The following P3H2 variants were observed in gnomAD, a reference collection of about 807,000 sequenced individuals.
The protein encoded by P3H2 is leprecan-like 1.
Under a neutral mutation model 87.0 loss-of-function variants are expected in P3H2, and 80 were observed. That is an observed-to-expected ratio of 0.92 (90% CI 0.77 to 1.11). The LOEUF is 1.11. Ranked by LOEUF, P3H2 falls within the 50% of genes least tolerant of loss-of-function variation. The pLI is 0.00. For synonymous variants in P3H2, 367 were observed against 359.3 expected (o/e 1.02, Z -0.24); for missense variants, 1,001 against 923.9 (o/e 1.08, Z -1.08).
intron 1 of P3H2, among the ~76,000 whole-genome samples, chr3:190,034,505 A>G (rs908949420): frequency 6.6e-6 from 1 of 152,260 alleles, no homozygotes; most frequent in African/African-American, 2.4e-5. Flanking sequence ...TTGGTCACCC[A>G]TAAAACAGAA....
At chr3:190,010,286 A>G (rs1724545317) in intron 1 of P3H2, among the ~76,000 whole-genome samples, 1 of 152,182 alleles carries the variant, frequency 6.6e-6, no homozygotes, top group South Asian at 2.1e-4. Flanking sequence ...CTATTATTAA[A>G]CATGTAATAC....
chr3:190,039,186 T>A (rs1344952118), intron 1 of P3H2, among the ~76,000 whole-genome samples: 1 of 58,300 alleles, frequency 1.7e-5, no homozygotes, highest in Non-Finnish European at 3.4e-5. Flanking sequence ...CGAAACTCCA[T>A]CTCAAAAAAA....
intron 1 of P3H2, among the ~76,000 whole-genome samples, chr3:190,086,434 C>CT (rs758831329): frequency 2.0e-5 from 3 of 152,326 alleles, no homozygotes; most frequent in Admixed American, 6.5e-5. Context: ...CCCAGCTCAT[C>CT]TCTCTAATTC....
At chr3:190,024,334 C>T (rs1244562934) in intron 1 of P3H2, among the ~76,000 whole-genome samples, 1 of 151,708 alleles carries the variant, frequency 6.6e-6, no homozygotes, top group Non-Finnish European at 1.5e-5. Context: ...GTCAGGAGTT[C>T]GAGACCAGCG....
chr3:190,004,076 CTA>C (rs1724302578), intron 1 of P3H2, among the ~76,000 whole-genome samples: 1 of 152,146 alleles, frequency 6.6e-6, no homozygotes, highest in Admixed American at 6.5e-5. Context: ...CAATGTTTCT[CTA>C]TGTGAGTACA....
chr3:189,991,632 A>G (rs549440516), intron 3 of P3H2, among the ~76,000 whole-genome samples: 2 of 152,366 alleles, frequency 1.3e-5, no homozygotes, highest in African/African-American at 4.8e-5. Context: ...GAAGAAAACA[A>G]CACTTTGAAG....
chr3:190,035,668 G>C (rs1041282813), intron 1 of P3H2, among the ~76,000 whole-genome samples: 6 of 151,994 alleles, frequency 3.9e-5, no homozygotes, highest in African/African-American at 1.4e-4. Flanking sequence ...CATGTCCTTT[G>C]CCTTAATTTA....
At position 189,974,639 on chromosome 3, in the gene P3H2, C is replaced by T. The variant is rs777587498; in HGVS notation, c.1371G>A (p.Glu457=). Residue 457 remains glutamate (E), a synonymous_variant, in exon 9 of 15, where the codon GAG becomes GAA. Coordinates refer to ENST00000319332, the MANE Select transcript of P3H2 (RefSeq NM_018192.4). ...YENITFVYNS[E]QLNGTQRVLL... is the part of the protein sequence containing the mutation. The stretch of plus-strand genomic sequence containing the variant: ...GAACCCGCTGAGTCCCGTTCAGCTG[C>T]TCCGAGTTGTAGACGAATGTGATGT... 1.2e-6 allele frequency: 2 copies of T among 1,614,162 alleles called. No individual in the cohort carries two copies. The highest frequency in any genetic ancestry group is 3.3e-5 in the Admixed American group (2 of 60,022).
intron 1 of P3H2, among the ~76,000 whole-genome samples, chr3:189,998,818 T>C (rs1724125720): frequency 6.6e-6 from 1 of 152,184 alleles, no homozygotes; most frequent in African/African-American, 2.4e-5. Flanking sequence ...AATTTTTCCA[T>C]GGATGGGTTG....
At chr3:190,010,648 T>C (rs1476311217) in intron 1 of P3H2, among the ~76,000 whole-genome samples, 3 of 152,186 alleles carry the variant, frequency 2.0e-5, no homozygotes, top group Admixed American at 6.5e-5. Flanking sequence ...TCCTTGACTT[T>C]GGGCTTCTGG....
At chr3:189,982,291 T>TA (rs202160923) in intron 8 of P3H2, among the ~76,000 whole-genome samples, 2,564 of 152,300 alleles carry the variant, frequency 0.017, 68 homozygotes, top group African/African-American at 0.058. Context: ...AGTATGCAAA[T>TA]AAATTGTGTG....
intron 1 of P3H2, among the ~76,000 whole-genome samples, chr3:190,055,844 C>T (rs182758678): frequency 6.6e-6 from 1 of 152,244 alleles, no homozygotes; most frequent in East Asian, 1.9e-4. Context: ...TAAAAAGAGC[C>T]TCTTTTTCCT....
intron 6 of P3H2, among the ~76,000 whole-genome samples, chr3:189,986,430 C>CA (rs529618300): frequency 6.2e-4 from 93 of 150,852 alleles, no homozygotes; most frequent in Non-Finnish European, 9.6e-4. Context: ...ACTAAAAATA[C>CA]AAAAAAAAAT....
chr3:190,100,685 A>G (rs1057195949), intron 1 of P3H2, among the ~76,000 whole-genome samples: 7 of 152,264 alleles, frequency 4.6e-5, no homozygotes, highest in Middle Eastern at 3.4e-3. Flanking sequence ...TGTTCCACCC[A>G]ATTTCATGCT....
chr3:189,989,487 C>A (rs1374520923), intron 3 of P3H2, among the ~76,000 whole-genome samples: 1 of 152,254 alleles, frequency 6.6e-6, no homozygotes, highest in Admixed American at 6.5e-5. Flanking sequence ...AAAAAGAAAC[C>A]ACCATGGGCA....
intron 1 of P3H2, among the ~76,000 whole-genome samples, chr3:190,069,962 TTTC>T (rs113690929): frequency 2.0e-5 from 3 of 151,516 alleles, no homozygotes; most frequent in African/African-American, 4.9e-5. Context: ...TTTTTTTTTT[TTTC>T]TTCTTCTTCT....
rs112768321 is a variant in P3H2 at position 190,062,877 on chromosome 3, GT to G, written c.480+57374del. Among the ~76,000 whole-genome samples, 1,031 of 152,222 alleles carry G rather than the reference GT, an allele frequency of 6.8e-3. 14 individuals carry two copies. The highest frequency in any genetic ancestry group is 0.023 in the African/African-American group (963 of 41,560). On this transcript the variant is annotated intron_variant, in intron 1 of 14. Transcript: ENST00000319332. ...AGCAAGACCCTGGCATAATGAACTG[GT>G]GGGAACAGAATACCAGAATGGGATA...
At chr3:190,100,465 T>G (rs1042144428) in intron 1 of P3H2, among the ~76,000 whole-genome samples, 2 of 152,124 alleles carry the variant, frequency 1.3e-5, no homozygotes, top group African/African-American at 4.8e-5. Flanking sequence ...TTAATAAATT[T>G]TTTTATCAGT....
chr3:189,974,619 C>T lies in P3H2; in HGVS notation c.1391G>A (p.Arg464Gln), dbSNP rs537288155. Residue 464 changes from arginine to glutamine, a missense_variant, in exon 9 of 15, where the codon CGG becomes CAG. By Grantham distance (43) the Arg-to-Gln change is conservative. Coordinates refer to ENST00000319332, the MANE Select transcript of P3H2 (RefSeq NM_018192.4). ...CGACAGGACGTTATCCAGGAGAACC[C>T]GCTGAGTCCCGTTCAGCTGCTCCGA... is the stretch of plus-strand genomic sequence containing the variant. Reference protein sequence around the residue: ...YNSEQLNGTQRVLLDNVLSEE... With the variant: ...YNSEQLNGTQQVLLDNVLSEE... 3.5e-5 allele frequency: 57 copies of T among 1,614,132 alleles called. No individual in the cohort carries two copies. Among genetic ancestry groups the T allele is most frequent in the Non-Finnish European group, 4.7e-5 (55 of 1,180,034 alleles).
Sources: allele counts gnomAD v4.1 joint callset (sites outside exome capture counted in the v4.1 genomes callset), GRCh38; gene constraint gnomAD v4.1.1; transcripts MANE v1.5; gene names NCBI Gene and HGNC (gene_info 2026-07-23, HGNC 2026-07-21).